Variants in CARD6 observed in about 807,000 individuals in gnomAD.
CARD6 encodes caspase recruitment domain family member 6, also known as caspase recruitment domain-containing protein 6.
CARD6 carries 27 observed loss-of-function variants against 23.6 expected under a neutral mutation model. That is an observed-to-expected ratio of 1.14 (90% confidence interval 0.84 to 1.58). CARD6 has a LOEUF of 1.58. Among genes scored for constraint, CARD6 ranks in the 40% most tolerant of loss-of-function variants. The pLI is 0.00. For synonymous variants in CARD6, 397 were observed against 431.8 expected (o/e 0.92, Z 1.00); for missense variants, 1,214 against 1,209.9 (o/e 1.00, Z -0.05).
At chr5:40,850,329 G>A (rs568504571) in intron 2 of CARD6, among the ~76,000 whole-genome samples, 20 of 142,614 alleles carry the variant, frequency 1.4e-4, no homozygotes, top group African/African-American at 3.7e-4. Context: ...CAGGAGAATC[G>A]CTTGAACCCA....
At chr5:40,852,064 GC>G in intron 2 of CARD6, 109 bp from the exon 3 acceptor site, 2 of 668,094 alleles carry the variant, frequency 3.0e-6, no homozygotes, top group South Asian at 2.0e-5. Context: ...TGATGATCAT[GC>G]CCCTGGATTC....
At position 40,852,316 on chromosome 5, in the gene CARD6, T is replaced by C; in HGVS notation, c.984T>C (p.Asn328=). Residue 328 remains asparagine (N), a synonymous_variant, in exon 3 of 3, where the codon AAT becomes AAC. Coordinates refer to ENST00000254691, the MANE Select transcript of CARD6 (RefSeq NM_032587.4). The stretch of plus-strand genomic sequence containing the variant: ...AGAGTCCAGGAGACTTAGCCTGGAA[T>C]TTCCTGATGAAAGTTCAAGCACGAG... ...TPESPGDLAW[N]FLMKVQARDV... is the part of the protein sequence containing the mutation. 1 of 1,614,170 alleles carries C rather than the reference T, an allele frequency of 6.2e-7. No individual in the cohort carries two copies. Among genetic ancestry groups the C allele is most frequent in the East Asian group, 2.2e-5 (1 of 44,880 alleles).
intron 2 of CARD6, among the ~76,000 whole-genome samples, chr5:40,845,848 C>T (rs1745957805): frequency 6.6e-6 from 1 of 151,742 alleles, no homozygotes; most frequent in Admixed American, 6.6e-5. Context: ...AATTCAGTCA[C>T]TTCAAACACT....
At chr5:40,849,157 T>G (rs939184131) in intron 2 of CARD6, among the ~76,000 whole-genome samples, 1 of 151,976 alleles carries the variant, frequency 6.6e-6, no homozygotes, top group African/African-American at 2.4e-5. Flanking sequence ...CCACCACACC[T>G]GGCTAATTTT....
rs1746082930 is a variant in CARD6 at position 40,852,386 on chromosome 5, G to A, written c.1054G>A (p.Glu352Lys). The change falls in exon 3 of 3, where the codon GAA becomes AAA. Residue 352 changes from glutamate (E) to lysine (K), a missense_variant. Physicochemically the swap from Glu to Lys is moderately conservative, Grantham distance 56. Coordinates refer to ENST00000254691, the MANE Select transcript of CARD6 (RefSeq NM_032587.4). ...DSILSHKVLD[E>K]DSKEDLLAGV... is the part of the protein sequence containing the mutation. ...AATCCTCAGTCACAAGGTTCTGGATGAAGATAGCAAGGAGGATTTGCTGGC... is the reference window on the plus strand; with the variant it reads ...AATCCTCAGTCACAAGGTTCTGGATAAAGATAGCAAGGAGGATTTGCTGGC... The A allele has an allele frequency of 3.1e-6, 5 of 1,614,100 alleles. No individual in the cohort carries two copies. The highest frequency in any genetic ancestry group is 3.4e-6 in the Non-Finnish European group (4 of 1,179,990).
In CARD6 at chr5:40,853,182, A is replaced by T; in HGVS notation, c.1850A>T (p.Asp617Val). The change falls in exon 3 of 3, where the codon GAT becomes GTT. Residue 617 changes from aspartate (D) to valine (V), a missense_variant. Transcript: ENST00000254691. The part of the protein sequence containing the change: ...LLFWERGDAG[D>V]RRKNMEGLQA... ...TTTTGGGAGAGGGGAGATGCTGGGGATAGAAGGAAGAACATGGAGGGCCTT... is the reference window on the plus strand; with the variant it reads ...TTTTGGGAGAGGGGAGATGCTGGGGTTAGAAGGAAGAACATGGAGGGCCTT... The T allele has an allele frequency of 6.2e-7, 1 of 1,614,180 alleles. No homozygotes were observed. The highest frequency in any genetic ancestry group is 2.2e-5 in the East Asian group (1 of 44,884).
intron 2 of CARD6, among the ~76,000 whole-genome samples, chr5:40,850,132 C>A (rs1028289457): frequency 6.6e-6 from 1 of 151,612 alleles, no homozygotes; most frequent in East Asian, 2.0e-4. Flanking sequence ...GAACCAGTAT[C>A]GGCCAGGTGC....
intron 2 of CARD6, among the ~76,000 whole-genome samples, chr5:40,850,277 G>A (rs1195992181): frequency 1.3e-5 from 2 of 151,654 alleles, no homozygotes; most frequent in Non-Finnish European, 2.9e-5. Flanking sequence ...AGCCAGGTGT[G>A]GTGGCACCCG....
chr5:40,843,532 G>A lies in CARD6; in HGVS notation c.664G>A (p.Glu222Lys). The A allele has an allele frequency of 5.6e-6, 9 of 1,608,044 alleles. No individual in the cohort carries two copies. Among genetic ancestry groups the A allele is most frequent in the Non-Finnish European group, 6.8e-6 (8 of 1,178,322 alleles). Residue 222 changes from glutamate to lysine, a missense_variant, in exon 2 of 3, where the codon GAA becomes AAA. Physicochemically the swap from Glu to Lys is moderately conservative, Grantham distance 56 (BLOSUM62 1). Transcript: ENST00000254691. ...ATATCTAGGATCTGTTGACACCCCT[G>A]AAGATGCAGAAGCCACTGTGGAAGA... Reference protein sequence around the residue: ...EEYLGSVDTPEDAEATVEEEV... With the variant: ...EEYLGSVDTPKDAEATVEEEV...
Position 40,852,581 on chromosome 5 carries a change from AG to A in CARD6, c.1250del (p.Ser417ThrfsTer3). The A allele has an allele frequency of 6.2e-7, 1 of 1,614,202 alleles. No homozygotes were observed. ...ACTGCCAGATGCAGAAAACAACAAAAGCATCTTAATGCTGGGGGCCATGAAA... is the reference window on the plus strand; with the variant it reads ...ACTGCCAGATGCAGAAAACAACAAAACATCTTAATGCTGGGGGCCATGAAA... ...LLLPDAENNK[S>X]ILMLGAMKDI... is the part of the protein sequence containing the mutation. On this transcript the variant is annotated frameshift_variant, in exon 3 of 3. Coordinates refer to ENST00000254691, the MANE Select transcript of CARD6 (RefSeq NM_032587.4). LOFTEE classifies it low-confidence loss of function (END_TRUNC).
intron 2 of CARD6, among the ~76,000 whole-genome samples, chr5:40,849,473 T>C (rs762082185): frequency 3.3e-5 from 5 of 152,206 alleles, no homozygotes; most frequent in African/African-American, 7.2e-5. Flanking sequence ...CCAACACATA[T>C]ATCAGTTCAA....
In CARD6 at chr5:40,853,466, A is replaced by G; in HGVS notation, c.2134A>G (p.Ser712Gly). The G allele has an allele frequency of 6.2e-7, 1 of 1,614,232 alleles. No homozygotes were observed. Among genetic ancestry groups the G allele is most frequent in the Non-Finnish European group, 8.5e-7 (1 of 1,180,026 alleles). Residue 712 changes from serine to glycine, a missense_variant, in exon 3 of 3, where the codon AGC becomes GGC. Physicochemically the swap from Ser to Gly is moderately conservative, Grantham distance 56. Transcript: ENST00000254691. ...IQEPGTQCEL[S>G]QNLQNLYGTP... ...AGAGCCTGGGACTCAATGTGAGCTCAGCCAGAATCTTCAGAATCTCTATGG... is the reference window on the plus strand; with the variant it reads ...AGAGCCTGGGACTCAATGTGAGCTCGGCCAGAATCTTCAGAATCTCTATGG...
rs746059485 is a variant in CARD6, at chr5:40,853,943, G to T, written c.2611G>T (p.Ala871Ser). The part of the protein sequence containing the change: ...RAVGKPWPQQ[A>S]CTRVTELTEA... ...AGTAGGGAAGCCATGGCCTCAGCAAGCTTGCACCAGGGTAACAGAGTTAAC... is the reference window on the plus strand; with the variant it reads ...AGTAGGGAAGCCATGGCCTCAGCAATCTTGCACCAGGGTAACAGAGTTAAC... The change falls in exon 3 of 3, where the codon GCT becomes TCT. Residue 871 changes from alanine to serine, a missense_variant. By Grantham distance (99) the Ala-to-Ser change is moderately conservative. Coordinates refer to ENST00000254691, the MANE Select transcript of CARD6 (RefSeq NM_032587.4). 4 of 1,614,158 alleles carry T rather than the reference G, an allele frequency of 2.5e-6. No individual in the cohort carries two copies. In the South Asian group the frequency reaches 4.4e-5, roughly 18 times the overall value.
rs139986671 is a variant in CARD6, at chr5:40,851,322, C to T, written c.842-852C>T. 1.5e-3 allele frequency among the ~76,000 whole-genome samples: 223 copies of T among 150,730 alleles called. 1 individual carries two copies. Among genetic ancestry groups the T allele is most frequent in the African/African-American group, 5.1e-3 (209 of 41,016 alleles). On this transcript the variant is annotated intron_variant, in intron 2 of 2. Coordinates refer to ENST00000254691, the MANE Select transcript of CARD6 (RefSeq NM_032587.4). ...CCCTAGCCTGGGCAACAGAGCCAGA[C>T]TCCATCTAAAAAAAAAAAATAGAAT...
At chr5:40,851,830 A>G (rs908269841) in intron 2 of CARD6, among the ~76,000 whole-genome samples, 1 of 151,942 alleles carries the variant, frequency 6.6e-6, no homozygotes, top group African/African-American at 2.4e-5. Flanking sequence ...CAAAGCAAAA[A>G]ATAATGCAGA....
In CARD6 at chr5:40,853,547, G is replaced by T; in HGVS notation, c.2215G>T (p.Gly739Ter). The T allele has an allele frequency of 6.2e-7, 1 of 1,614,170 alleles. No individual in the cohort carries two copies. The highest frequency in any genetic ancestry group is 8.5e-7 in the Non-Finnish European group (1 of 1,180,022). ...CTCCTGGCTCTTTCCAACCAGAATT[G>T]GAGGTAACTTTAACCATGTTTCCTT... ...ENSWLFPTRIGGNFNHVSLKA... is the reference protein window; with the variant it reads ...ENSWLFPTRI The change falls in exon 3 of 3, where the codon GGA becomes TGA. Residue 739 changes from glycine (G) to a stop codon, truncating the protein, a stop_gained. Coordinates refer to ENST00000254691, the MANE Select transcript of CARD6 (RefSeq NM_032587.4). LOFTEE classifies it low-confidence loss of function (END_TRUNC).
intron 2 of CARD6, 64 bp downstream of exon 2, chr5:40,843,773 C>T (rs1745920254): frequency 9.0e-7 from 1 of 1,114,952 alleles, no homozygotes; most frequent in African/African-American, 1.6e-5. Context: ...CTTGCCATGA[C>T]ATAATGGGGA....
In CARD6 at chr5:40,852,420, A is replaced by G. The variant is rs1746083982; in HGVS notation, c.1088A>G (p.Glu363Gly). The G allele has an allele frequency of 6.2e-7, 1 of 1,614,070 alleles. No individual in the cohort carries two copies. Among genetic ancestry groups the G allele is most frequent in the Non-Finnish European group, 8.5e-7 (1 of 1,180,054 alleles). ...AAGGAGGATTTGCTGGCTGGAGTGG[A>G]GAATTTGGAAATTCGAGACATACAA... ...DSKEDLLAGV[E>G]NLEIRDIQTI... The change falls in exon 3 of 3, where the codon GAG becomes GGG. Residue 363 changes from glutamate to glycine, a missense_variant. Physicochemically the swap from Glu to Gly is moderately conservative, Grantham distance 98. Transcript: ENST00000254691.
At position 40,853,363 on chromosome 5, in the gene CARD6, G is replaced by T; in HGVS notation, c.2031G>T (p.Gly677=). Residue 677 remains glycine, a synonymous_variant, in exon 3 of 3, where the codon GGG becomes GGT. Coordinates refer to ENST00000254691, the MANE Select transcript of CARD6 (RefSeq NM_032587.4). ...IQVSSGENMA[G]TAEGEGQQRH... is the part of the protein sequence containing the mutation. ...TTTCCTCTGGAGAAAACATGGCTGG[G>T]ACAGCTGAAGGTGAGGGTCAGCAAA... 1 of 1,614,104 alleles carries T rather than the reference G, an allele frequency of 6.2e-7. No individual in the cohort carries two copies. The highest frequency in any genetic ancestry group is 8.5e-7 in the Non-Finnish European group (1 of 1,180,004).
Sources: allele counts gnomAD v4.1 joint callset (sites outside exome capture counted in the v4.1 genomes callset), GRCh38; gene constraint gnomAD v4.1.1; transcripts MANE v1.5; gene names NCBI Gene and HGNC (gene_info 2026-07-23, HGNC 2026-07-21).